The following DUSP19 variants were observed in gnomAD, a reference collection of about 807,000 sequenced individuals.
The protein encoded by DUSP19 is dual specificity phosphatase 19.
A neutral mutation model predicts 16.6 loss-of-function variants in DUSP19; 14 were observed. The observed-to-expected ratio is 0.84, with a 90% confidence interval of 0.56 to 1.32. The LOEUF is 1.32. Ranked by LOEUF, DUSP19 falls within the 40% of genes most tolerant of loss-of-function variation. The probability of loss-of-function intolerance (pLI) is 0.00; values close to 1 mark genes in which losing one functional copy is unlikely to be tolerated. For missense variants in DUSP19, 258 were observed against 255.9 expected (o/e 1.01, Z -0.06); for synonymous variants, 81 against 90.5 (o/e 0.90, Z 0.59).
At position 183,095,504 on chromosome 2, in the gene DUSP19, A is replaced by G. The variant is rs772968986; in HGVS notation, c.500A>G (p.Asn167Ser). The G allele has an allele frequency of 6.2e-6, 10 of 1,613,996 alleles. No individual in the cohort carries two copies. The highest frequency in any genetic ancestry group is 8.5e-6 in the Non-Finnish European group (10 of 1,179,976). Residue 167 changes from asparagine to serine, a missense_variant, in exon 4 of 4, where the codon AAT becomes AGT. Coordinates refer to ENST00000354221, the MANE Select transcript of DUSP19 (RefSeq NM_080876.4). ...GCAATTGTAATAGGTTTCCTGATGA[A>G]TTCTGAACAAACCTCATTTACCAGT... is the stretch of plus-strand genomic sequence containing the variant. ...AAAIVIGFLM[N>S]SEQTSFTSAF...
chr2:183,085,805 C>T (rs900156277), intron 2 of DUSP19, among the ~76,000 whole-genome samples: 30 of 137,942 alleles, frequency 2.2e-4, no homozygotes, highest in African/African-American at 7.7e-4. Context: ...TCATTGTAAT[C>T]AGAAGGCAGA....
chr2:183,082,534 G>A (rs567437280), intron 1 of DUSP19, among the ~76,000 whole-genome samples: 14 of 144,542 alleles, frequency 9.7e-5, no homozygotes, highest in Admixed American at 9.5e-4. Context: ...AGCAAGTCTC[G>A]TGCCTCAGCC....
intron 3 of DUSP19, among the ~76,000 whole-genome samples, chr2:183,090,591 C>T (rs2705732): frequency 0.99 from 150,386 of 152,380 alleles, 74,240 homozygotes; most frequent in Middle Eastern, 1. Flanking sequence ...AAAATTAAGA[C>T]ACTTCCACAC....
chr2:183,087,256 C>T, intron 3 of DUSP19, 64 bp downstream of exon 3: 2 of 1,400,356 alleles, frequency 1.4e-6, no homozygotes, highest in Non-Finnish European at 1.9e-6. Flanking sequence ...ATCCATTACC[C>T]AATCTTTATT....
intron 2 of DUSP19, among the ~76,000 whole-genome samples, chr2:183,085,847 GTTTTTTTTTTT>G (rs71008261): frequency 2.4e-4 from 12 of 50,920 alleles, no homozygotes; most frequent in East Asian, 2.3e-3. Context: ...AGGTTGTTAG[GTTTTTTTTTTT>G]TTTTTTTTTT....
rs1699555784 is a variant in DUSP19 at position 183,079,003 on chromosome 2, A to G, written c.70A>G (p.Thr24Ala). 2 of 1,614,210 alleles carry G rather than the reference A, an allele frequency of 1.2e-6. No homozygotes were observed. Among genetic ancestry groups the G allele is most frequent in the Admixed American group, 1.7e-5 (1 of 60,014 alleles). The change falls in exon 1 of 4, where the codon ACA (threonine) becomes GCA (alanine). Residue 24 changes from threonine (T) to alanine (A), a missense_variant. Thr to Ala is a moderately conservative substitution (Grantham distance 58). Coordinates refer to ENST00000354221, the MANE Select transcript of DUSP19 (RefSeq NM_080876.4). ...TCTCAGGAAGCAATGCACCAGGGTGACAACGCTAACTGGAAAGAAAATTAT... is the reference window on the plus strand; with the variant it reads ...TCTCAGGAAGCAATGCACCAGGGTGGCAACGCTAACTGGAAAGAAAATTAT... The part of the protein sequence containing the change: ...NNLRKQCTRV[T>A]TLTGKKIIET...
chr2:183,083,580 C>T, intron 2 of DUSP19, 26 bp downstream of exon 2: 1 of 1,578,578 alleles, frequency 6.3e-7, no homozygotes, highest in Non-Finnish European at 8.6e-7. Flanking sequence ...AAGTCTGGCA[C>T]CATATACACA....
chr2:183,082,776 T>TTATCTCTCTC (rs1193772960), intron 1 of DUSP19, among the ~76,000 whole-genome samples: 1 of 151,190 alleles, frequency 6.6e-6, no homozygotes, highest in African/African-American at 2.4e-5. Flanking sequence ...CTTTCTCTCT[T>TTATCTCTCTC]TCTCTCTCTC....
At chr2:183,083,482 A>G (rs16823717) in intron 1 of DUSP19, 26 bp from the exon 2 acceptor site, 80,311 of 1,581,306 alleles carry the variant, frequency 0.051, 2,433 homozygotes, top group South Asian at 0.11. Flanking sequence ...ATTTGTGTTC[A>G]AGGTGGTATC....
intron 3 of DUSP19, among the ~76,000 whole-genome samples, chr2:183,089,044 A>G (rs1346287927): frequency 6.6e-6 from 1 of 152,228 alleles, no homozygotes; most frequent in Non-Finnish European, 1.5e-5. Flanking sequence ...AATTTAAAAA[A>G]TAAAGTTTGC....
Position 183,083,493 on chromosome 2 carries a change from A to C in DUSP19, c.227-15A>C, listed in dbSNP as rs1200872289. ...TTATATTTGTGTTCAAGGTGGTATC[A>C]TTTATTTCTTCTAGGGTCACAAGAT... On this transcript the variant is annotated splice_polypyrimidine_tract_variant and intron_variant, in intron 1 of 3. Transcript: ENST00000354221. 1 of 1,600,588 alleles carries C rather than the reference A, an allele frequency of 6.2e-7. No homozygotes were observed. The highest frequency in any genetic ancestry group is 8.5e-7 in the Non-Finnish European group (1 of 1,173,530).
Position 183,095,524 on chromosome 2 carries a change from A to G in DUSP19, c.520A>G (p.Thr174Ala). ...FLMNSEQTSF[T>A]SAFSLVKNAR... Reference sequence around the variant, plus strand: ...GATGAATTCTGAACAAACCTCATTTACCAGTGCTTTTTCTTTGGTGAAAAA... The same window carrying G: ...GATGAATTCTGAACAAACCTCATTTGCCAGTGCTTTTTCTTTGGTGAAAAA... The change falls in exon 4 of 4, where the codon ACC (threonine) becomes GCC (alanine). Residue 174 changes from threonine (T) to alanine (A), a missense_variant. Physicochemically the swap from Thr to Ala is moderately conservative, Grantham distance 58. Coordinates refer to ENST00000354221, the MANE Select transcript of DUSP19 (RefSeq NM_080876.4). 1.9e-6 allele frequency: 3 copies of G among 1,613,920 alleles called. No homozygotes were observed. The highest frequency in any genetic ancestry group is 2.5e-6 in the Non-Finnish European group (3 of 1,179,970).
chr2:183,092,451 T>C lies in DUSP19; in HGVS notation c.427-2980T>C, dbSNP rs181004637. 2.0e-5 allele frequency among the ~76,000 whole-genome samples: 3 copies of C among 152,264 alleles called. No individual in the cohort carries two copies. The East Asian group carries it at 5.8e-4, about 29-fold the overall frequency. On this transcript the variant is annotated intron_variant, in intron 3 of 3. Transcript: ENST00000354221. ...TGTTCCGCTCCATGTGTCTATGTGTTCACGTTGTTCAGCTTCCACCTATAA... is the reference window on the plus strand; with the variant it reads ...TGTTCCGCTCCATGTGTCTATGTGTCCACGTTGTTCAGCTTCCACCTATAA...
intron 3 of DUSP19, among the ~76,000 whole-genome samples, chr2:183,093,031 A>G (rs181448232): frequency 3.2e-4 from 49 of 152,262 alleles, no homozygotes; most frequent in African/African-American, 1.2e-3. Context: ...AGTTAAATAT[A>G]AGGAAAAACA....
chr2:183,090,807 CA>C (rs1321532557), intron 3 of DUSP19, among the ~76,000 whole-genome samples: 1 of 152,138 alleles, frequency 6.6e-6, no homozygotes, highest in Non-Finnish European at 1.5e-5. Context: ...GAGGGGGCAG[CA>C]AAAAATAGAA....
chr2:183,095,666 T>A lies in DUSP19; in HGVS notation c.*8T>A, dbSNP rs1239659406. On this transcript the variant is annotated 3_prime_UTR_variant, in exon 4 of 4. Transcript: ENST00000354221. Reference sequence around the variant, plus strand: ...CAGGAGAACAGTTCATGAGTTGCATTGTAGCAGACAATGGACAACTGTAGT... The same window carrying A: ...CAGGAGAACAGTTCATGAGTTGCATAGTAGCAGACAATGGACAACTGTAGT... 1.9e-6 allele frequency: 3 copies of A among 1,597,870 alleles called. No homozygotes were observed. Among genetic ancestry groups the A allele is most frequent in the Non-Finnish European group, 2.6e-6 (3 of 1,167,940 alleles).
At chr2:183,080,872 TC>T (rs1251531116) in intron 1 of DUSP19, among the ~76,000 whole-genome samples, 10 of 152,348 alleles carry the variant, frequency 6.6e-5, no homozygotes, top group Non-Finnish European at 1.5e-4. Context: ...AGTGCCTCAT[TC>T]CTAAAGGATC....
rs892815127 is a variant in DUSP19 at position 183,096,989 on chromosome 2, C to T, written c.*1331C>T. ...GATTTTTTCTTCAGAATATGGTATA[C>T]TTAAAATTAATTAATTAAGACAGTT... On this transcript the variant is annotated 3_prime_UTR_variant, in exon 4 of 4. Coordinates refer to ENST00000354221, the MANE Select transcript of DUSP19 (RefSeq NM_080876.4). The T allele has an allele frequency of 6.7e-6, 1 of 149,776 alleles. No individual in the cohort carries two copies. The highest frequency in any genetic ancestry group is 1.5e-5 in the Non-Finnish European group (1 of 67,496). The allele number at this position is 149,776 out of a possible 1,614,324, so 9.3% of individuals were successfully genotyped here.
intron 2 of DUSP19, among the ~76,000 whole-genome samples, chr2:183,085,840 T>G (rs1699652303): frequency 7.2e-6 from 1 of 138,494 alleles, no homozygotes; most frequent in African/African-American, 2.7e-5. Flanking sequence ...GTGGACAAGG[T>G]TGTTAGGTTT....
Sources: allele counts gnomAD v4.1 joint callset (sites outside exome capture counted in the v4.1 genomes callset), GRCh38; gene constraint gnomAD v4.1.1; transcripts MANE v1.5; gene names NCBI Gene and HGNC (gene_info 2026-07-23, HGNC 2026-07-21).